The following BTAF1 variants were observed in gnomAD, a reference collection of about 807,000 sequenced individuals.
BTAF1 encodes the protein B-TFIID TATA-box binding protein associated factor 1.
A neutral mutation model predicts 227.1 loss-of-function variants in BTAF1; 38 were observed. The ratio of observed to expected loss-of-function variants is 0.17; its 90% CI spans 0.13 to 0.22. The LOEUF (loss-of-function observed/expected upper bound fraction) is 0.22. BTAF1 is among the 10% of genes least tolerant of loss of function. BTAF1 has a pLI of 1.00. For synonymous variants in BTAF1, 742 were observed against 751.9 expected (o/e 0.99, Z 0.21); for missense variants, 1,598 against 2,204.0 (o/e 0.73, Z 5.51).
chr10:91,929,623 C>T (rs1024946885), intron 1 of BTAF1, among the ~76,000 whole-genome samples: 1 of 152,132 alleles, frequency 6.6e-6, no homozygotes, highest in Non-Finnish European at 1.5e-5. Context: ...TTCAGTGGGT[C>T]CTGGACAGGA....
intron 14 of BTAF1, among the ~76,000 whole-genome samples, chr10:91,976,844 C>A (rs974250955): frequency 2.0e-5 from 3 of 152,182 alleles, no homozygotes; most frequent in African/African-American, 7.2e-5. Context: ...AAGGCCTTTG[C>A]TCTCCTGTAG....
chr10:91,939,911 A>C, intron 2 of BTAF1, 41 bp from the exon 3 acceptor site: 1 of 1,401,470 alleles, frequency 7.1e-7, no homozygotes, highest in South Asian at 1.2e-5. Context: ...TTGCGCAAAC[A>C]ATATTTTTGT....
intron 32 of BTAF1, 24 bp downstream of exon 32, chr10:92,014,053 T>C: frequency 6.3e-7 from 1 of 1,599,206 alleles, no homozygotes; most frequent in Non-Finnish European, 8.5e-7. Flanking sequence ...TGTTTATCAT[T>C]GTTAGTGGTA....
At chr10:91,928,086 G>A (rs1044259091) in intron 1 of BTAF1, among the ~76,000 whole-genome samples, 2 of 143,410 alleles carry the variant, frequency 1.4e-5, no homozygotes, top group South Asian at 2.3e-4. Context: ...TCTTTTTAAA[G>A]CTATCTCCTA....
chr10:91,926,341 CCAGAATTTCCAA>C (rs577664513), intron 1 of BTAF1, among the ~76,000 whole-genome samples: 15 of 152,298 alleles, frequency 9.8e-5, no homozygotes, highest in African/African-American at 3.4e-4. Context: ...GACATTTCCA[CCAGAATTTCCAA>C]CAGATGGGAA....
intron 21 of BTAF1, among the ~76,000 whole-genome samples, chr10:91,992,672 A>G (rs948457104): frequency 2.0e-5 from 3 of 152,158 alleles, no homozygotes; most frequent in Non-Finnish European, 4.4e-5. Context: ...TCAATTTGAT[A>G]TTTATTAAAT....
intron 32 of BTAF1, among the ~76,000 whole-genome samples, chr10:92,015,044 G>A (rs1458836996): frequency 6.6e-6 from 1 of 152,202 alleles, no homozygotes; most frequent in Non-Finnish European, 1.5e-5. Context: ...GCATGACTAT[G>A]TATCAGAGCT....
chr10:91,998,887 A>G (rs1043855030), intron 25 of BTAF1, among the ~76,000 whole-genome samples: 35 of 152,040 alleles, frequency 2.3e-4, no homozygotes, highest in African/African-American at 8.4e-4. Context: ...AAATGGTGAA[A>G]CCTCGTCTCT....
At chr10:91,952,361 T>G (rs780936728) in intron 5 of BTAF1, among the ~76,000 whole-genome samples, 10 of 152,194 alleles carry the variant, frequency 6.6e-5, no homozygotes, top group Non-Finnish European at 1.5e-4. Flanking sequence ...TGGATACATT[T>G]GTGCTTCTTA....
intron 34 of BTAF1, 24 bp from the exon 35 acceptor site, chr10:92,024,732 G>GTTTTTTTTTTTTTTTTTTTTTTTTT: frequency 7.9e-7 from 1 of 1,267,284 alleles, no homozygotes; most frequent in Non-Finnish European, 1.1e-6. Flanking sequence ...CGCTTATGTA[G>GTTTTTTTTTTTTTTTTTTTTTTTTT]TTTTTTTTTT....
intron 20 of BTAF1, 34 bp from the exon 21 acceptor site, chr10:91,992,085 T>C: frequency 6.6e-7 from 1 of 1,504,782 alleles, no homozygotes; most frequent in East Asian, 2.3e-5. Flanking sequence ...ACCAATATTA[T>C]GATTAAAAGG....
intron 20 of BTAF1, among the ~76,000 whole-genome samples, chr10:91,991,279 T>TATATATAA (rs1554860281): frequency 2.0e-5 from 2 of 98,434 alleles, no homozygotes; most frequent in Non-Finnish European, 4.6e-5. Flanking sequence ...TAAATATATA[T>TATATATAA]ATATATATAT....
rs66595310 is a variant in BTAF1 at position 92,024,740 on chromosome 10, T to TTTTTTTTTG, written c.4864-10_4864-9insTTGTTTTTT. 2 of 866,522 alleles carry TTTTTTTTTG rather than the reference T, an allele frequency of 2.3e-6. No homozygotes were observed. The highest frequency in any genetic ancestry group is 2.0e-5 in the South Asian group (1 of 50,526). 53.7% of individuals were successfully genotyped at this position (866,522 alleles called of 1,614,324 possible). On this transcript the variant is annotated splice_polypyrimidine_tract_variant and intron_variant, in intron 34 of 37. Coordinates refer to ENST00000265990, the MANE Select transcript of BTAF1 (RefSeq NM_003972.3). ...TATTGAACGCTTATGTAGTTTTTTT[T>TTTTTTTTTG]TTTTTTCTTCCTAAGTTGCTGTTGG... is the stretch of plus-strand genomic sequence containing the variant.
At chr10:91,993,957 A>G (rs1848976005) in intron 22 of BTAF1, 110 bp downstream of exon 22, 1 of 794,030 alleles carries the variant, frequency 1.3e-6, no homozygotes, top group Non-Finnish European at 1.8e-6. Context: ...TTTATTCCAG[A>G]CCAGCTGGTA....
intron 23 of BTAF1, among the ~76,000 whole-genome samples, chr10:91,995,948 C>G (rs928817255): frequency 3.9e-5 from 6 of 152,298 alleles, no homozygotes; most frequent in African/African-American, 7.2e-5. Context: ...CAGGAACACT[C>G]AAGCCACTGA....
intron 8 of BTAF1, among the ~76,000 whole-genome samples, chr10:91,958,741 T>C (rs1421305144): frequency 6.6e-6 from 1 of 152,094 alleles, no homozygotes; most frequent in East Asian, 1.9e-4. Flanking sequence ...ATACGATACT[T>C]TCTTTCCTCT....
chr10:91,945,451 C>G (rs1814636103), intron 4 of BTAF1, among the ~76,000 whole-genome samples: 2 of 152,020 alleles, frequency 1.3e-5, no homozygotes, highest in South Asian at 4.2e-4. Context: ...TCCCCATTTC[C>G]CCCTTTCCCC....
chr10:91,998,504 G>A (rs764016822), intron 25 of BTAF1, among the ~76,000 whole-genome samples: 4 of 152,140 alleles, frequency 2.6e-5, no homozygotes, highest in Non-Finnish European at 1.5e-5. Flanking sequence ...GAAGGATCAT[G>A]TTGGAGTATT....
chr10:91,935,923 C>CA, intron 2 of BTAF1, 143 bp downstream of exon 2: 1 of 599,074 alleles, frequency 1.7e-6, no homozygotes, highest in East Asian at 4.0e-5. Context: ...AAGACTTAAA[C>CA]TTTTTTTTTT....
Sources: allele counts gnomAD v4.1 joint callset (sites outside exome capture counted in the v4.1 genomes callset), GRCh38; gene constraint gnomAD v4.1.1; transcripts MANE v1.5; gene names NCBI Gene and HGNC (gene_info 2026-07-23, HGNC 2026-07-21).